Variants in HHLA1 observed in about 807,000 individuals in gnomAD.
The protein encoded by HHLA1 is HHLA1 neighbor of OC90.
Under a neutral mutation model 69.9 loss-of-function variants are expected in HHLA1, and 72 were observed. That is an observed-to-expected ratio of 1.03 (90% CI 0.85 to 1.25). HHLA1 has a LOEUF of 1.25. Ranked by LOEUF, HHLA1 falls within the 50% of genes most tolerant of loss-of-function variation. The pLI, the probability that HHLA1 is intolerant of heterozygous loss-of-function variation, is 0.00. For missense variants in HHLA1, 685 were observed against 642.2 expected, an observed-to-expected ratio of 1.07 and a Z score of -0.72; for synonymous variants, 252 against 233.2, an observed-to-expected ratio of 1.08 and a Z score of -0.73.
At chr8:132,079,578 T>C in intron 11 of HHLA1, 140 bp downstream of exon 11, 1 of 896,234 alleles carries the variant, frequency 1.1e-6, no homozygotes, top group South Asian at 1.9e-5. Flanking sequence ...CTCATACAGA[T>C]CTGTTATTTA....
intron 2 of HHLA1, among the ~76,000 whole-genome samples, 168 bp from the exon 3 acceptor site, chr8:132,104,335 A>G (rs1251004076): frequency 1.3e-5 from 2 of 152,190 alleles, no homozygotes; most frequent in Non-Finnish European, 2.9e-5. Flanking sequence ...TTCGTCATCA[A>G]ATATTTGTTG....
chr8:132,065,662 G>T (rs34880989), intron 16 of HHLA1, among the ~76,000 whole-genome samples: 7,446 of 152,310 alleles, frequency 0.049, 280 homozygotes, highest in South Asian at 0.12. Flanking sequence ...AAAAGTGCTT[G>T]GTCAGGCTGA....
At position 132,105,186 on chromosome 8, in the gene HHLA1, C is replaced by T. The variant is rs1824183392; in HGVS notation, c.79+1G>A. 1.3e-6 allele frequency: 2 copies of T among 1,550,760 alleles called. No homozygotes were observed. The highest frequency in any genetic ancestry group is 1.4e-5 in the African/African-American group (1 of 73,028). On this transcript the variant is annotated splice_donor_variant, in intron 2 of 16. Transcript: ENST00000414222. LOFTEE classifies it high-confidence loss of function. Reference sequence around the variant, plus strand: ...ACTTGCAGAACTCCAGCTAGACCCACCTGTGTTCCAAAGGGACAAGACACA... The same window carrying T: ...ACTTGCAGAACTCCAGCTAGACCCATCTGTGTTCCAAAGGGACAAGACACA...
chr8:132,085,067 A>T (rs546144234), intron 10 of HHLA1, among the ~76,000 whole-genome samples: 5 of 152,202 alleles, frequency 3.3e-5, no homozygotes, highest in Admixed American at 1.3e-4. Context: ...GGGTTGGAGT[A>T]CTTGCCCCTT....
chr8:132,067,001 A>G (rs1823452151), intron 15 of HHLA1, among the ~76,000 whole-genome samples: 2 of 152,162 alleles, frequency 1.3e-5, no homozygotes, highest in South Asian at 4.1e-4. Context: ...AATCAGTGAT[A>G]AAGGGCTGAA....
At chr8:132,074,066 T>A (rs1384384819) in intron 14 of HHLA1, among the ~76,000 whole-genome samples, 1 of 152,246 alleles carries the variant, frequency 6.6e-6, no homozygotes, top group Non-Finnish European at 1.5e-5. Context: ...GACAAAGTAC[T>A]GTTAATCTCA....
At chr8:132,064,223 C>T (rs1392440145) in intron 16 of HHLA1, among the ~76,000 whole-genome samples, 185 bp from the exon 17 acceptor site, 1 of 152,132 alleles carries the variant, frequency 6.6e-6, no homozygotes, top group East Asian at 1.9e-4. Context: ...CATGCAAGAC[C>T]CCATTGCTAG....
At chr8:132,102,671 A>ATGG (rs1824128901) in intron 3 of HHLA1, among the ~76,000 whole-genome samples, 1 of 152,126 alleles carries the variant, frequency 6.6e-6, no homozygotes, top group Non-Finnish European at 1.5e-5. Flanking sequence ...GTGAGGGACC[A>ATGG]GGATTATGTC....
intron 14 of HHLA1, among the ~76,000 whole-genome samples, chr8:132,072,776 A>C (rs1007528720): frequency 1.3e-5 from 2 of 152,236 alleles, no homozygotes; most frequent in African/African-American, 4.8e-5. Context: ...TGATTTTACA[A>C]CTAGCAAGGG....
intron 15 of HHLA1, among the ~76,000 whole-genome samples, chr8:132,068,781 G>A (rs1033782785): frequency 2.6e-5 from 4 of 152,212 alleles, no homozygotes; most frequent in Admixed American, 6.5e-5. Context: ...AGCAAAATTT[G>A]TAAGTCACCA....
intron 5 of HHLA1, among the ~76,000 whole-genome samples, chr8:132,096,804 T>G (rs1318969146): frequency 6.6e-6 from 1 of 152,062 alleles, no homozygotes; most frequent in Non-Finnish European, 1.5e-5. Flanking sequence ...TTAACAAAGT[T>G]CTCAGGTGAA....
intron 3 of HHLA1, among the ~76,000 whole-genome samples, chr8:132,102,532 T>C (rs996383657): frequency 3.9e-5 from 6 of 152,224 alleles, no homozygotes; most frequent in Non-Finnish European, 8.8e-5. Context: ...GTGAGGCCAC[T>C]GCACCCCCTC....
rs1337018782 is a variant in HHLA1 at position 132,095,753 on chromosome 8, G to T, written c.314C>A (p.Thr105Asn). ...SKKFFSLLSV[T>N]SYSSFAFHKF... ...GTGGAAGGCGAAGGAACTGTAGGAA[G>T]TGACACTCAGCAAGGAGAAGAACTT... The change falls in exon 6 of 17, where the codon ACT becomes AAT. Residue 105 changes from threonine to asparagine, a missense_variant. Thr to Asn is a moderately conservative substitution (Grantham distance 65). Transcript: ENST00000414222. 6.4e-7 allele frequency: 1 copy of T among 1,551,306 alleles called. No homozygotes were observed.
chr8:132,109,288 C>T (rs942286278), intron 1 of HHLA1, among the ~76,000 whole-genome samples: 2 of 152,140 alleles, frequency 1.3e-5, no homozygotes, highest in Admixed American at 6.5e-5. Flanking sequence ...CAGACCCTGG[C>T]GTTGGAGGAC....
At chr8:132,106,182 T>C (rs762918688) in intron 1 of HHLA1, among the ~76,000 whole-genome samples, 4 of 151,942 alleles carry the variant, frequency 2.6e-5, no homozygotes, top group Admixed American at 6.6e-5. Flanking sequence ...TGGTAGAGGG[T>C]TGGATTTATC....
At chr8:132,102,001 T>C (rs1712688666) in intron 3 of HHLA1, among the ~76,000 whole-genome samples, 1 of 152,246 alleles carries the variant, frequency 6.6e-6, no homozygotes, top group Non-Finnish European at 1.5e-5. Context: ...GAACTTCCCA[T>C]TTCCCTCTCC....
At chr8:132,109,179 G>A (rs1022068276) in intron 1 of HHLA1, among the ~76,000 whole-genome samples, 10 of 152,142 alleles carry the variant, frequency 6.6e-5, no homozygotes, top group African/African-American at 2.4e-4. Context: ...GCCAATTTTT[G>A]TATTTTTAGT....
intron 12 of HHLA1, among the ~76,000 whole-genome samples, chr8:132,077,096 G>C (rs1823658405): frequency 6.6e-6 from 1 of 152,068 alleles, no homozygotes; most frequent in South Asian, 2.1e-4. Flanking sequence ...CTCCTTGTAG[G>C]AGACCAGTGA....
intron 10 of HHLA1, among the ~76,000 whole-genome samples, chr8:132,081,305 A>G (rs1823749279): frequency 6.6e-6 from 1 of 152,106 alleles, no homozygotes; most frequent in Non-Finnish European, 1.5e-5. Context: ...AATGAGAAGC[A>G]TCTATACAGG....
Sources: gnomAD v4.1 joint callset for allele counts (sites outside exome capture counted in the v4.1 genomes callset) on GRCh38, gnomAD v4.1.1 for gene constraint, MANE v1.5 for transcripts, NCBI Gene and HGNC (gene_info 2026-07-23, HGNC 2026-07-21) for gene names.